The following PTPRD variants were observed in gnomAD, a reference collection of about 807,000 sequenced individuals.
PTPRD encodes the protein protein tyrosine phosphatase receptor type D, also known as receptor-type tyrosine-protein phosphatase delta.
A neutral mutation model predicts 214.5 loss-of-function variants in PTPRD; 34 were observed. The ratio of observed to expected loss-of-function variants is 0.16; its 90% confidence interval spans 0.12 to 0.21. The LOEUF (loss-of-function observed/expected upper bound fraction) is 0.21. PTPRD is among the 10% of genes least tolerant of loss of function. The probability of loss-of-function intolerance (pLI) is 1.00; values close to 1 mark genes in which losing one functional copy is unlikely to be tolerated. For missense variants in PTPRD, 2,545 were observed against 2,398.7 expected (o/e 1.06, Z -1.27); for synonymous variants, 1,128 against 845.7 (o/e 1.33, Z -5.79).
intron 39 of PTPRD, among the ~76,000 whole-genome samples, 174 bp downstream of exon 39, chr9:8,375,762 A>G (rs969138583): frequency 3.9e-5 from 6 of 152,116 alleles, no homozygotes; most frequent in Non-Finnish European, 7.4e-5. Context: ...GGAAATATGC[A>G]TCTATGTCAA....
At chr9:8,353,932 G>GTATATA in intron 39 of PTPRD, among the ~76,000 whole-genome samples, 1 of 97,662 alleles carries the variant, frequency 1.0e-5, no homozygotes, top group Non-Finnish European at 1.8e-5. Flanking sequence ...ATATATGTGT[G>GTATATA]TGTACATATA....
chr9:9,416,211 C>T (rs1333171673), intron 8 of PTPRD, among the ~76,000 whole-genome samples: 3 of 152,104 alleles, frequency 2.0e-5, no homozygotes, highest in African/African-American at 7.2e-5. Flanking sequence ...TAGGCCTCTT[C>T]CCCAGATCGG....
intron 5 of PTPRD, among the ~76,000 whole-genome samples, chr9:9,899,828 G>A (rs910670652): frequency 2.6e-5 from 4 of 151,912 alleles, no homozygotes; most frequent in Admixed American, 1.3e-4. Flanking sequence ...AGATAAAGAA[G>A]ATTTATTATA....
In PTPRD at chr9:8,317,845, A is replaced by G. The variant is rs1216193863; in HGVS notation, c.*29T>C. On this transcript the variant is annotated 3_prime_UTR_variant, in exon 46 of 46. Coordinates refer to ENST00000381196, the MANE Select transcript of PTPRD (RefSeq NM_002839.4). ...ACTCCATGGATATTGAAGGGCCTGTAGTAAAAATCCAGAATGGGTCAGGGG... is the reference window on the plus strand; with the variant it reads ...ACTCCATGGATATTGAAGGGCCTGTGGTAAAAATCCAGAATGGGTCAGGGG... The G allele has an allele frequency of 1.2e-6, 2 of 1,605,274 alleles. No homozygotes were observed. The highest frequency in any genetic ancestry group is 1.1e-5 in the South Asian group (1 of 90,874).
chr9:8,541,759 C>T (rs2078495273), intron 14 of PTPRD, among the ~76,000 whole-genome samples: 1 of 151,990 alleles, frequency 6.6e-6, no homozygotes, highest in South Asian at 2.1e-4. Flanking sequence ...ATGAAACTGC[C>T]CAAAGAAGTT....
At chr9:10,078,537 A>G (rs2154186910) in intron 3 of PTPRD, among the ~76,000 whole-genome samples, 1 of 149,712 alleles carries the variant, frequency 6.7e-6, no homozygotes, top group Admixed American at 6.7e-5. Flanking sequence ...AAAAAAAAAA[A>G]AGAAAGAACC....
At chr9:8,839,637 C>G (rs2097519628) in intron 11 of PTPRD, among the ~76,000 whole-genome samples, 1 of 152,062 alleles carries the variant, frequency 6.6e-6, no homozygotes, top group African/African-American at 2.4e-5. Context: ...AACTAGTATT[C>G]TCAATCATTA....
At chr9:8,355,712 A>G (rs979171894) in intron 39 of PTPRD, among the ~76,000 whole-genome samples, 7 of 152,222 alleles carry the variant, frequency 4.6e-5, no homozygotes, top group African/African-American at 1.7e-4. Context: ...TATATACATT[A>G]TATGTTCAAG....
chr9:9,281,667 G>A (rs919711403), intron 9 of PTPRD, among the ~76,000 whole-genome samples: 1 of 151,302 alleles, frequency 6.6e-6, no homozygotes, highest in Non-Finnish European at 1.5e-5. Flanking sequence ...AAATGGTACA[G>A]CCACTTAGAA....
At chr9:9,880,197 G>T (rs2068209193) in intron 5 of PTPRD, among the ~76,000 whole-genome samples, 1 of 152,110 alleles carries the variant, frequency 6.6e-6, no homozygotes. Flanking sequence ...TTGCTGCCAT[G>T]TAAGACATGC....
chr9:10,581,866 T>C (rs7027838), intron 2 of PTPRD, among the ~76,000 whole-genome samples: 5,167 of 152,236 alleles, frequency 0.034, 309 homozygotes, highest in African/African-American at 0.12. Flanking sequence ...ATATTAATAA[T>C]ATTTATCAGA....
chr9:10,039,105 A>C (rs1208794646), intron 3 of PTPRD, among the ~76,000 whole-genome samples: 1 of 152,112 alleles, frequency 6.6e-6, no homozygotes, highest in Non-Finnish European at 1.5e-5. Context: ...GTTGTTCACA[A>C]AACTCTTCCT....
rs114549743 is a variant in PTPRD, at chr9:9,528,248, G to A, written c.-237+46484C>T. On this transcript the variant is annotated intron_variant, in intron 8 of 45. Transcript: ENST00000381196. ...GTGTATTCATGAGAGAAAACTACCA[G>A]AGATCAGGGAAACAACCAAAAGAAA... Among the ~76,000 whole-genome samples the A allele has an allele frequency of 3.4e-3, 519 of 152,256 alleles. 2 individuals carry two copies. The highest frequency in any genetic ancestry group is 0.012 in the African/African-American group (495 of 41,542).
intron 6 of PTPRD, among the ~76,000 whole-genome samples, chr9:9,759,620 C>CG (rs1365629807): frequency 6.9e-6 from 1 of 144,892 alleles, no homozygotes; most frequent in African/African-American, 2.6e-5. Flanking sequence ...TGTAGTGACG[C>CG]GATCTCAGCT....
intron 8 of PTPRD, among the ~76,000 whole-genome samples, chr9:9,467,897 T>A (rs180976131): frequency 6.6e-6 from 1 of 152,284 alleles, no homozygotes. Context: ...GTATTTGGTA[T>A]GTCAATTTTT....
At chr9:9,429,794 C>G (rs114087642) in intron 8 of PTPRD, among the ~76,000 whole-genome samples, 1,765 of 152,224 alleles carry the variant, frequency 0.012, 33 homozygotes, top group African/African-American at 0.041. Flanking sequence ...GAACCCAAGA[C>G]AAAACCCACA....
chr9:9,790,202 ATGTT>A (rs1251040343), intron 5 of PTPRD, among the ~76,000 whole-genome samples: 3 of 152,112 alleles, frequency 2.0e-5, no homozygotes, highest in Admixed American at 6.6e-5. Flanking sequence ...TAAAAAGTGA[ATGTT>A]TGTTTTGTTT....
At chr9:10,077,497 T>C (rs1440119155) in intron 3 of PTPRD, among the ~76,000 whole-genome samples, 2 of 152,134 alleles carry the variant, frequency 1.3e-5, no homozygotes, top group African/African-American at 2.4e-5. Flanking sequence ...TATTTATTAC[T>C]TTTTTTAACT....
chr9:9,731,502 C>T (rs533726973), intron 7 of PTPRD, among the ~76,000 whole-genome samples: 3 of 151,814 alleles, frequency 2.0e-5, no homozygotes, highest in African/African-American at 4.8e-5. Context: ...GGTACATGTG[C>T]ACAATGTGCA....
Sources: allele counts gnomAD v4.1 joint callset (sites outside exome capture counted in the v4.1 genomes callset), GRCh38; gene constraint gnomAD v4.1.1; transcripts MANE v1.5; gene names NCBI Gene and HGNC (gene_info 2026-07-23, HGNC 2026-07-21).